UTP18: variants seen among roughly 807,000 people sequenced by gnomAD.
UTP18 encodes the protein UTP18 small subunit processome component, also known as U3 small nucleolar RNA-associated protein 18 homolog.
In UTP18, 36 loss-of-function variants were observed where a neutral mutation model predicts 61.1. The ratio of observed to expected loss-of-function variants is 0.59; its 90% CI spans 0.45 to 0.78. The LOEUF (loss-of-function observed/expected upper bound fraction) is 0.78. UTP18 is among the 30% of genes least tolerant of loss of function. The probability of loss-of-function intolerance (pLI) is 0.00; values close to 1 mark genes in which losing one functional copy is unlikely to be tolerated. For missense variants in UTP18, 753 were observed against 693.9 expected (o/e 1.09, Z -0.96); for synonymous variants, 282 against 251.1 (o/e 1.12, Z -1.16).
rs745388460 is a variant in UTP18 at position 51,275,940 on chromosome 17, T to G, written c.786T>G (p.Gly262=). 5 of 1,613,270 alleles carry G rather than the reference T, an allele frequency of 3.1e-6. No individual in the cohort carries two copies. Among genetic ancestry groups the G allele is most frequent in the Non-Finnish European group, 4.2e-6 (5 of 1,179,734 alleles). The change falls in exon 6 of 14, where the codon GGT becomes GGG. Residue 262 remains glycine (G), a synonymous_variant. Transcript: ENST00000225298. ...TCTCATCTGTGCAGTTCCATCCCGG[T>G]GCACAGATTGTGATGGTTGCTGGAT... ...ARISSVQFHP[G]AQIVMVAGLD...
At chr17:51,271,460 C>G (rs1307031571) in intron 4 of UTP18, among the ~76,000 whole-genome samples, 1 of 152,004 alleles carries the variant, frequency 6.6e-6, no homozygotes, top group Non-Finnish European at 1.5e-5. Context: ...GCATGTGCCA[C>G]CATGCCCAGC....
intron 4 of UTP18, among the ~76,000 whole-genome samples, chr17:51,270,005 G>A (rs1046976427): frequency 1.3e-5 from 2 of 152,004 alleles, no homozygotes; most frequent in African/African-American, 2.4e-5. Flanking sequence ...ACAGGTGTGC[G>A]CCATTACACC....
intron 9 of UTP18, among the ~76,000 whole-genome samples, chr17:51,281,108 CAG>C (rs1202136009): frequency 6.7e-6 from 1 of 150,078 alleles, no homozygotes; most frequent in African/African-American, 2.5e-5. Flanking sequence ...ACCTGGGAGA[CAG>C]AGGCTGCACT....
chr17:51,263,925 C>A (rs773285121), intron 2 of UTP18, among the ~76,000 whole-genome samples: 1 of 151,762 alleles, frequency 6.6e-6, no homozygotes, highest in Non-Finnish European at 1.5e-5. Context: ...AAACATTTCT[C>A]CCTACTTAAA....
At chr17:51,269,012 C>T (rs1239199913) in intron 4 of UTP18, 108 bp downstream of exon 4, 7 of 1,114,986 alleles carry the variant, frequency 6.3e-6, no homozygotes, top group Non-Finnish European at 9.1e-6. Flanking sequence ...TCTTGCCTGG[C>T]TCGGTAGCTC....
intron 6 of UTP18, among the ~76,000 whole-genome samples, chr17:51,276,309 C>CA (rs1197622323): frequency 3.9e-5 from 6 of 152,176 alleles, no homozygotes; most frequent in Admixed American, 6.5e-5. Flanking sequence ...TTATTGAATG[C>CA]ACCTGTATGA....
intron 7 of UTP18, 24 bp from the exon 8 acceptor site, chr17:51,279,981 T>A (rs1904857770): frequency 6.4e-7 from 1 of 1,564,632 alleles, no homozygotes; most frequent in Admixed American, 1.8e-5. Context: ...AAACTTTATT[T>A]AATTGCTTCA....
chr17:51,265,704 C>A (rs1370084886), intron 2 of UTP18, among the ~76,000 whole-genome samples: 1 of 150,296 alleles, frequency 6.7e-6, no homozygotes, highest in Non-Finnish European at 1.5e-5. Context: ...GCTGGGATTA[C>A]AGGTGTGTGC....
chr17:51,274,502 C>T (rs1388755087), intron 5 of UTP18, among the ~76,000 whole-genome samples: 1 of 152,104 alleles, frequency 6.6e-6, no homozygotes, highest in Non-Finnish European at 1.5e-5. Context: ...AGTGCAAGGG[C>T]GTGATCTCGG....
Position 51,280,053 on chromosome 17 carries a change from CCTT to C in UTP18, c.1065_1067del (p.Phe355del), listed in dbSNP as rs750056521. 6.2e-7 allele frequency: 1 copy of C among 1,613,954 alleles called. No individual in the cohort carries two copies. The highest frequency in any genetic ancestry group is 8.5e-7 in the Non-Finnish European group (1 of 1,179,954). On this transcript the variant is annotated inframe_deletion, in exon 8 of 14. Transcript: ENST00000225298. ...AGCTTTGAAGTCTCCCCAGATGGGT[CCTT>C]CTTGCTCATAAATGGCATTGCTGGA...
intron 11 of UTP18, among the ~76,000 whole-genome samples, chr17:51,290,165 C>T (rs762279839): frequency 5.9e-5 from 9 of 151,482 alleles, no homozygotes; most frequent in Admixed American, 1.3e-4. Context: ...CCTGTAATCC[C>T]GGCACTTTGG....
chr17:51,272,983 C>G (rs1353555359), intron 4 of UTP18, among the ~76,000 whole-genome samples: 2 of 152,182 alleles, frequency 1.3e-5, no homozygotes, highest in Admixed American at 1.3e-4. Context: ...AGTTGTTAAA[C>G]TAGATCAGTA....
chr17:51,284,043 C>G (rs1457086590), intron 9 of UTP18, among the ~76,000 whole-genome samples: 1 of 152,214 alleles, frequency 6.6e-6, no homozygotes, highest in Non-Finnish European at 1.5e-5. Flanking sequence ...AAAACACTTT[C>G]CTTTATTATA....
rs371773701 is a variant in UTP18, at chr17:51,277,882, C to G, written c.1012+578C>G. On this transcript the variant is annotated intron_variant, in intron 7 of 13. Coordinates refer to ENST00000225298, the MANE Select transcript of UTP18 (RefSeq NM_016001.3). The stretch of plus-strand genomic sequence containing the variant: ...CCCTGCTCCTTTATATCCCAAAATA[C>G]ACCGACACCTTCATGCATCCTTTGG... Among the ~76,000 whole-genome samples the G allele has an allele frequency of 4.1e-4, 63 of 152,268 alleles. No individual in the cohort carries two copies. In the South Asian group the frequency reaches 0.011, roughly 28 times the overall value.
chr17:51,292,337 TTGCCTTCACATTGA>T (rs1905260039), intron 11 of UTP18, among the ~76,000 whole-genome samples: 1 of 152,258 alleles, frequency 6.6e-6, no homozygotes, highest in African/African-American at 2.4e-5. Flanking sequence ...ATTAGCACCA[TTGCCTTCACATTGA>T]TGCCACGCTG....
chr17:51,274,713 C>A (rs577580291), intron 5 of UTP18, among the ~76,000 whole-genome samples: 67 of 151,788 alleles, frequency 4.4e-4, no homozygotes, highest in African/African-American at 1.5e-3. Context: ...CAGCTCCCAA[C>A]GTGCTGGGAT....
chr17:51,297,045 T>G (rs753881675), intron 13 of UTP18, 42 bp downstream of exon 13: 2 of 1,539,556 alleles, frequency 1.3e-6, no homozygotes, highest in East Asian at 2.3e-5. Context: ...GGTTTTAAGA[T>G]ACACCCATTG....
At chr17:51,294,891 C>G (rs551685458) in intron 12 of UTP18, among the ~76,000 whole-genome samples, 63 of 152,286 alleles carry the variant, frequency 4.1e-4, no homozygotes, top group African/African-American at 1.4e-3. Flanking sequence ...TAATGATCGC[C>G]ATTCTAACTG....
chr17:51,280,129 G>T (rs757163415), intron 8 of UTP18, 24 bp downstream of exon 8: 1 of 1,599,886 alleles, frequency 6.3e-7, no homozygotes. Flanking sequence ...ATTGCTTCTT[G>T]TTCTTCTCCC....
Sources: allele counts gnomAD v4.1 joint callset (sites outside exome capture counted in the v4.1 genomes callset), GRCh38; gene constraint gnomAD v4.1.1; transcripts MANE v1.5; gene names NCBI Gene and HGNC (gene_info 2026-07-23, HGNC 2026-07-21).